ABCA8: variants seen among roughly 807,000 people sequenced by gnomAD.
The protein encoded by ABCA8 is ATP binding cassette subfamily A member 8, also known as ABC-type organic anion transporter ABCA8.
Under a neutral mutation model 192.3 loss-of-function variants are expected in ABCA8, and 177 were observed. The ratio of observed to expected loss-of-function variants is 0.92; its 90% confidence interval spans 0.81 to 1.04. The LOEUF is 1.04. Ranked by LOEUF, ABCA8 falls within the 50% of genes least tolerant of loss-of-function variation. The pLI is 0.00. For missense variants in ABCA8, 1,915 were observed against 1,904.8 expected (o/e 1.01, Z -0.10); for synonymous variants, 642 against 690.2 (o/e 0.93, Z 1.09).
At chr17:68,892,717 T>C (rs531629053) in intron 23 of ABCA8, among the ~76,000 whole-genome samples, 1 of 152,294 alleles carries the variant, frequency 6.6e-6, no homozygotes, top group East Asian at 1.9e-4. Context: ...TAATTAATAC[T>C]TGGTGGGTCC....
chr17:68,875,820 G>C, intron 35 of ABCA8, 87 bp from the exon 36 acceptor site: 1 of 1,438,538 alleles, frequency 7.0e-7, no homozygotes, highest in Non-Finnish European at 9.4e-7. Context: ...ACTGGCATGC[G>C]TGTGAATAAT....
At chr17:68,887,911 T>TGTCC (rs1555607397) in intron 24 of ABCA8, among the ~76,000 whole-genome samples, 2 of 19,974 alleles carry the variant, frequency 1.0e-4, no homozygotes, top group African/African-American at 6.4e-4. Flanking sequence ...TATATATCCA[T>TGTCC]ATATATATAT....
At chr17:68,903,583 ACT>A (rs1262129079) in intron 19 of ABCA8, 84 bp from the exon 20 acceptor site, 2 of 1,302,644 alleles carry the variant, frequency 1.5e-6, no homozygotes, top group African/African-American at 3.0e-5. Flanking sequence ...TCATGATTAG[ACT>A]CTTCCGCGTT....
chr17:68,918,259 T>C, intron 15 of ABCA8, 74 bp from the exon 16 acceptor site: 1 of 1,571,054 alleles, frequency 6.4e-7, no homozygotes, highest in South Asian at 1.2e-5. Context: ...GCAAAAACCA[T>C]ATTGATTATA....
chr17:68,936,692 G>A (rs555650603), intron 5 of ABCA8, among the ~76,000 whole-genome samples: 4 of 151,946 alleles, frequency 2.6e-5, no homozygotes, highest in Non-Finnish European at 4.4e-5. Flanking sequence ...ATATCTATGT[G>A]TGTACATATG....
At position 68,929,175 on chromosome 17, in the gene ABCA8, G is replaced by C. The variant is rs372811858; in HGVS notation, c.999C>G (p.Val333=). The C allele has an allele frequency of 1.2e-6, 2 of 1,610,402 alleles. No individual in the cohort carries two copies. The highest frequency in any genetic ancestry group is 1.7e-6 in the Non-Finnish European group (2 of 1,178,050). Reference sequence around the variant, plus strand: ...CCCAAAAGACAGTGAGGAGGAACACGACCAGGCCGGTGAGGAAAGATTTCT... The same window carrying C: ...CCCAAAAGACAGTGAGGAGGAACACCACCAGGCCGGTGAGGAAAGATTTCT... ...LVKKSFLTGL[V]VFLLTVFWGC... The change falls in exon 9 of 40, where the codon GTC becomes GTG. Residue 333 remains valine (V), a synonymous_variant. Transcript: ENST00000586539.
At chr17:68,871,672 T>C (rs775597861) in intron 37 of ABCA8, among the ~76,000 whole-genome samples, 2 of 152,164 alleles carry the variant, frequency 1.3e-5, no homozygotes, top group Non-Finnish European at 2.9e-5. Flanking sequence ...TAATCAATAA[T>C]GGACTACATA....
chr17:68,908,264 A>G lies in ABCA8; in HGVS notation c.2139-385T>C, dbSNP rs111364507. The stretch of plus-strand genomic sequence containing the variant: ...TGGATAACGTTGCAGTTGAAGGTTC[A>G]GTTTTAAGCTGACTAAATAGAATTG... On this transcript the variant is annotated intron_variant, in intron 17 of 39. Transcript: ENST00000586539. Among the ~76,000 whole-genome samples the G allele has an allele frequency of 3.9e-3, 591 of 152,310 alleles. 7 individuals carry two copies. Among genetic ancestry groups the G allele is most frequent in the African/African-American group, 0.014 (564 of 41,568 alleles).
chr17:68,924,981 G>A, intron 10 of ABCA8, 112 bp from the exon 11 acceptor site: 1 of 1,075,636 alleles, frequency 9.3e-7, no homozygotes, highest in East Asian at 2.5e-5. Context: ...TGAACATGTG[G>A]TCAACAGCAG....
chr17:68,891,535 G>T lies in ABCA8; in HGVS notation c.3098C>A (p.Ser1033Ter), dbSNP rs770509486. The T allele has an allele frequency of 6.2e-7, 1 of 1,613,016 alleles. No individual in the cohort carries two copies. The highest frequency in any genetic ancestry group is 1.3e-5 in the African/African-American group (1 of 74,862). Residue 1033 changes from serine (S) to a stop codon, truncating the protein, a stop_gained, in exon 24 of 40, where the codon TCG (serine) becomes TAG (stop). Transcript: ENST00000586539. LOFTEE classifies it high-confidence loss of function. ...CATGGCAATGTAAGGTGGGCAACTC[G>T]ATGTTAAAACCAGCCAGAACATGAT... is the stretch of plus-strand genomic sequence containing the variant. ...AYIMFWLVLT[S>*]SCPPYIAMSS...
chr17:68,945,883 CTT>C (rs539143449), intron 2 of ABCA8, among the ~76,000 whole-genome samples: 41 of 152,036 alleles, frequency 2.7e-4, no homozygotes, highest in Non-Finnish European at 5.0e-4. Context: ...CAATTAATCT[CTT>C]TGTATACTTC....
At chr17:68,885,464 G>C in intron 26 of ABCA8, 149 bp from the exon 27 acceptor site, 1 of 723,632 alleles carries the variant, frequency 1.4e-6, no homozygotes, top group South Asian at 2.3e-5. Flanking sequence ...GTTTATTTTA[G>C]TGACTTAGCC....
chr17:68,888,738 G>A (rs10852765), intron 24 of ABCA8, among the ~76,000 whole-genome samples: 63,556 of 151,886 alleles, frequency 0.42, 13,882 homozygotes, highest in East Asian at 0.56. Flanking sequence ...AAGGGAGTTT[G>A]TATCAACCTT....
chr17:68,901,974 C>T (rs542391004), intron 21 of ABCA8, among the ~76,000 whole-genome samples: 1 of 152,232 alleles, frequency 6.6e-6, no homozygotes, highest in African/African-American at 2.4e-5. Context: ...AACATATGTT[C>T]AAACAAAAAC....
intron 11 of ABCA8, 35 bp downstream of exon 11, chr17:68,924,666 C>T (rs2067646970): frequency 5.0e-6 from 8 of 1,594,984 alleles, no homozygotes; most frequent in Middle Eastern, 3.4e-4. Flanking sequence ...AGCTTCCTGC[C>T]TTTTTGCCCT....
At chr17:68,870,114 G>C (rs2066009830) in intron 37 of ABCA8, among the ~76,000 whole-genome samples, 1 of 152,160 alleles carries the variant, frequency 6.6e-6, no homozygotes, top group Non-Finnish European at 1.5e-5. Flanking sequence ...AAGCTATTCA[G>C]ATTGTTGTCC....
chr17:68,884,297 A>G, intron 28 of ABCA8, 34 bp downstream of exon 28: 1 of 1,520,124 alleles, frequency 6.6e-7, no homozygotes, highest in Non-Finnish European at 8.8e-7. Flanking sequence ...ATTTAGTAAA[A>G]AGTGATAATT....
intron 5 of ABCA8, among the ~76,000 whole-genome samples, chr17:68,934,314 T>C (rs943403343): frequency 2.6e-5 from 4 of 152,150 alleles, no homozygotes; most frequent in Admixed American, 2.6e-4. Flanking sequence ...GAAAAAAAAA[T>C]CTGCTGCTAT....
At chr17:68,951,712 T>TAAC (rs71293544) in intron 1 of ABCA8, among the ~76,000 whole-genome samples, 76,722 of 151,884 alleles carry the variant, frequency 0.51, 19,884 homozygotes, top group Middle Eastern at 0.6. Context: ...TTTCTGATAA[T>TAAC]ATGGAGACAC....
Sources: gnomAD v4.1 joint callset for allele counts (sites outside exome capture counted in the v4.1 genomes callset) on GRCh38, gnomAD v4.1.1 for gene constraint, MANE v1.5 for transcripts, NCBI Gene and HGNC (gene_info 2026-07-23, HGNC 2026-07-21) for gene names.